Variants in PREX1 observed in about 807,000 individuals in gnomAD.
PREX1 encodes the protein phosphatidylinositol 3,4,5-trisphosphate-dependent Rac exchanger 1 protein.
A neutral mutation model predicts 198.3 loss-of-function variants in PREX1; 41 were observed. The ratio of observed to expected loss-of-function variants is 0.21; its 90% confidence interval spans 0.16 to 0.27. The LOEUF (loss-of-function observed/expected upper bound fraction) is 0.27. Among genes scored for constraint, PREX1 ranks in the 10% least tolerant of loss-of-function variants. PREX1 has a pLI of 1.00. For synonymous variants in PREX1, 843 were observed against 887.2 expected (o/e 0.95, Z 0.89); for missense variants, 1,620 against 2,200.7 (o/e 0.74, Z 5.28).
At chr20:48,753,652 T>G (rs1199699917) in intron 1 of PREX1, among the ~76,000 whole-genome samples, 2 of 152,206 alleles carry the variant, frequency 1.3e-5, no homozygotes. Context: ...TACTGTCTAA[T>G]GCGGGCTCTT....
chr20:48,863,489 G>A, the PREX1 span, among the ~76,000 whole-genome samples: 14 of 151,064 alleles, frequency 9.3e-5, no homozygotes, highest in African/African-American at 3.2e-4. Flanking sequence ...CAGTTTTGTG[G>A]GGTTTTTTTG....
At chr20:48,756,863 G>T (rs147450643) in intron 1 of PREX1, among the ~76,000 whole-genome samples, 1 of 152,144 alleles carries the variant, frequency 6.6e-6, no homozygotes, top group Non-Finnish European at 1.5e-5. Flanking sequence ...TGGCTGAGGA[G>T]GCCTCACAAT....
At chr20:48,709,063 G>A (rs1238838091) in intron 5 of PREX1, among the ~76,000 whole-genome samples, 2 of 152,092 alleles carry the variant, frequency 1.3e-5, no homozygotes, top group Admixed American at 6.6e-5. Context: ...CAACTCAGAC[G>A]CAGGCTGGGA....
intron 3 of PREX1, among the ~76,000 whole-genome samples, chr20:48,740,082 G>A (rs2090074266): frequency 6.6e-6 from 1 of 152,202 alleles, no homozygotes; most frequent in Admixed American, 6.5e-5. Context: ...GCTGGACTGT[G>A]GGCCAGGGCC....
At chr20:48,732,165 A>C (rs767169961) in intron 4 of PREX1, among the ~76,000 whole-genome samples, 2 of 152,256 alleles carry the variant, frequency 1.3e-5, no homozygotes, top group African/African-American at 4.8e-5. Flanking sequence ...GTGAAGATGT[A>C]GGTACCGGCT....
At chr20:48,724,278 C>T (rs2090000205) in intron 5 of PREX1, among the ~76,000 whole-genome samples, 1 of 152,228 alleles carries the variant, frequency 6.6e-6, no homozygotes, top group Non-Finnish European at 1.5e-5. Context: ...GCTGCCCCAT[C>T]TCCAAGAGGG....
At chr20:48,632,191 G>T in intron 35 of PREX1, 86 bp downstream of exon 35, 2 of 1,282,678 alleles carry the variant, frequency 1.6e-6, no homozygotes, top group Non-Finnish European at 1.1e-6. Context: ...CCATGCTGGG[G>T]GTCCGCCTGG....
At chr20:48,740,241 T>C (rs1006789500) in intron 3 of PREX1, among the ~76,000 whole-genome samples, 2 of 152,194 alleles carry the variant, frequency 1.3e-5, no homozygotes, top group African/African-American at 4.8e-5. Context: ...ACCCAGCACC[T>C]CTTTCCTTTG....
At chr20:48,779,023 T>G (rs2090276640) in intron 1 of PREX1, among the ~76,000 whole-genome samples, 1 of 151,464 alleles carries the variant, frequency 6.6e-6, no homozygotes, top group South Asian at 2.1e-4. Flanking sequence ...AGAACAAAAA[T>G]GAAAACTTTT....
intron 1 of PREX1, among the ~76,000 whole-genome samples, chr20:48,759,785 T>C (rs1231441280): frequency 2.0e-5 from 3 of 151,996 alleles, no homozygotes; most frequent in Admixed American, 6.6e-5. Context: ...CCCTGGTGCA[T>C]AGCAGGTGCT....
chr20:48,803,070 T>C (rs1409281767), intron 1 of PREX1, among the ~76,000 whole-genome samples: 3 of 152,210 alleles, frequency 2.0e-5, no homozygotes, highest in Admixed American at 6.5e-5. Context: ...AAAATCTGCA[T>C]TGGAACTAGG....
At position 48,636,532 on chromosome 20, in the gene PREX1, C is replaced by A. The variant is rs778120045; in HGVS notation, c.4098G>T (p.Lys1366Asn). The A allele has an allele frequency of 2.8e-5, 45 of 1,611,802 alleles. No homozygotes were observed. Among genetic ancestry groups the A allele is most frequent in the Non-Finnish European group, 3.7e-5 (44 of 1,179,656 alleles). ...CCGTGGCCGCCACCTGCTCCAGCCACTTGCGGCTGGCGTCGCGGCTGCTCT... is the reference window on the plus strand; with the variant it reads ...CCGTGGCCGCCACCTGCTCCAGCCAATTGCGGCTGGCGTCGCGGCTGCTCT... ...YEESSRDASR[K>N]WLEQVAATGV... is the part of the protein sequence containing the mutation. Residue 1366 changes from lysine to asparagine, a missense_variant, in exon 32 of 40, where the codon AAG becomes AAT. By Grantham distance (94) the Lys-to-Asn change is moderately conservative. Transcript: ENST00000371941.
chr20:48,655,192 G>T, intron 19 of PREX1, 98 bp downstream of exon 19: 3 of 1,208,436 alleles, frequency 2.5e-6, no homozygotes, highest in Non-Finnish European at 3.4e-6. Context: ...TACATTGTCT[G>T]GCAGAAGCCT....
At chr20:48,738,623 G>A (rs575730545) in intron 3 of PREX1, among the ~76,000 whole-genome samples, 4 of 152,302 alleles carry the variant, frequency 2.6e-5, no homozygotes, top group East Asian at 1.9e-4. Context: ...AGGAAGAAAC[G>A]GACAAACAGT....
At chr20:48,825,260 TG>T (rs1386227632) in intron 1 of PREX1, among the ~76,000 whole-genome samples, 3 of 152,204 alleles carry the variant, frequency 2.0e-5, no homozygotes, top group Non-Finnish European at 4.4e-5. Context: ...CGTCTGTTTC[TG>T]GCACCAGCTT....
At chr20:48,712,091 C>T (rs770909201) in intron 5 of PREX1, among the ~76,000 whole-genome samples, 2 of 152,214 alleles carry the variant, frequency 1.3e-5, no homozygotes, top group Non-Finnish European at 2.9e-5. Flanking sequence ...TTACAAAAGA[C>T]CCCACCGTGT....
intron 1 of PREX1, among the ~76,000 whole-genome samples, chr20:48,795,530 A>G (rs1416967898): frequency 6.6e-6 from 1 of 151,828 alleles, no homozygotes; most frequent in Non-Finnish European, 1.5e-5. Context: ...TAAACATTCT[A>G]CAATGCACAG....
At chr20:48,823,363 G>A (rs2090495812) in intron 1 of PREX1, among the ~76,000 whole-genome samples, 1 of 152,086 alleles carries the variant, frequency 6.6e-6, no homozygotes, top group African/African-American at 2.4e-5. Flanking sequence ...CTTGGCAGGT[G>A]GGCCCAAGGT....
chr20:48,707,246 G>A (rs1162991607), intron 6 of PREX1, among the ~76,000 whole-genome samples: 2 of 152,102 alleles, frequency 1.3e-5, no homozygotes, highest in African/African-American at 4.8e-5. Flanking sequence ...ATCTGATCTT[G>A]GCCAGACCCC....
Sources: gnomAD v4.1 joint callset for allele counts (sites outside exome capture counted in the v4.1 genomes callset) on GRCh38, gnomAD v4.1.1 for gene constraint, MANE v1.5 for transcripts, NCBI Gene and HGNC (gene_info 2026-07-23, HGNC 2026-07-21) for gene names.